The following CLIP4 variants were observed in gnomAD, a reference collection of about 807,000 sequenced individuals.
The protein encoded by CLIP4 is CAP-Gly domain containing linker protein family member 4.
Under a neutral mutation model 73.1 loss-of-function variants are expected in CLIP4, and 47 were observed. The ratio of observed to expected loss-of-function variants is 0.64; its 90% CI spans 0.51 to 0.82. CLIP4 has a LOEUF of 0.82. CLIP4 is among the 40% of genes least tolerant of loss of function. CLIP4 has a pLI of 0.00. For missense variants in CLIP4, 874 were observed against 852.9 expected (o/e 1.02, Z -0.31); for synonymous variants, 306 against 295.4 (o/e 1.04, Z -0.37).
At chr2:29,149,818 T>C (rs1239751654) in intron 8 of CLIP4, among the ~76,000 whole-genome samples, 2 of 152,140 alleles carry the variant, frequency 1.3e-5, no homozygotes, top group East Asian at 3.8e-4. Context: ...AAATATTTAA[T>C]TTAATACACA....
At chr2:29,169,380 ACTCTC>A (rs1223320402) in intron 14 of CLIP4, among the ~76,000 whole-genome samples, 1 of 139,620 alleles carries the variant, frequency 7.2e-6, no homozygotes, top group East Asian at 2.1e-4. Context: ...TGTGTGTCCC[ACTCTC>A]CTCATAAAGA....
intron 6 of CLIP4, among the ~76,000 whole-genome samples, chr2:29,142,932 G>A (rs1025128313): frequency 6.6e-6 from 1 of 152,168 alleles, no homozygotes; most frequent in Non-Finnish European, 1.5e-5. Flanking sequence ...GTTGTCATTG[G>A]CCATTTTATC....
chr2:29,155,427 A>C (rs555376199), intron 9 of CLIP4, among the ~76,000 whole-genome samples: 2 of 151,260 alleles, frequency 1.3e-5, no homozygotes, highest in Admixed American at 6.6e-5. Context: ...CACACACACA[A>C]GAGTACAAGC....
intron 1 of CLIP4, among the ~76,000 whole-genome samples, chr2:29,099,699 C>T (rs1022680086): frequency 1.3e-5 from 2 of 152,146 alleles, no homozygotes; most frequent in Admixed American, 1.3e-4. Context: ...TCCACAGAAA[C>T]TTCAGAATCA....
At chr2:29,177,822 C>T (rs1668431950) in intron 15 of CLIP4, among the ~76,000 whole-genome samples, 1 of 152,174 alleles carries the variant, frequency 6.6e-6, no homozygotes, top group Non-Finnish European at 1.5e-5. Context: ...CCCATGCCTG[C>T]CATTTCATAG....
chr2:29,135,791 G>T (rs2147964670), intron 6 of CLIP4, 125 bp downstream of exon 6: 1 of 617,914 alleles, frequency 1.6e-6, no homozygotes, highest in African/African-American at 1.9e-5. Context: ...TTATATCTTT[G>T]TGCCACATGT....
chr2:29,147,237 T>C (rs1482807380), intron 8 of CLIP4, among the ~76,000 whole-genome samples: 1 of 152,136 alleles, frequency 6.6e-6, no homozygotes, highest in Non-Finnish European at 1.5e-5. Flanking sequence ...TGTTTTGTTG[T>C]AGTATAGGTA....
At chr2:29,102,872 C>T (rs765797420) in intron 1 of CLIP4, among the ~76,000 whole-genome samples, 1 of 152,172 alleles carries the variant, frequency 6.6e-6, no homozygotes, top group African/African-American at 2.4e-5. Flanking sequence ...CCCACCTCGG[C>T]CTCCCAAAGT....
In CLIP4 at chr2:29,163,876, A is replaced by G. The variant is rs771995532; in HGVS notation, c.1580A>G (p.Asp527Gly). 53 of 1,613,642 alleles carry G rather than the reference A, an allele frequency of 3.3e-5. No individual in the cohort carries two copies. The highest frequency in any genetic ancestry group is 1.7e-4 in the Middle Eastern group (1 of 6,060). ...IELEKPHGKN[D>G]GSVGGVQYFS... ...CTTGAAAAACCCCATGGCAAGAATG[A>G]TGGTTCAGTTGGAGGTGTGCAGTAT... Residue 527 changes from aspartate (D) to glycine (G), a missense_variant, in exon 13 of 16, where the codon GAT becomes GGT. Physicochemically the swap from Asp to Gly is moderately conservative, Grantham distance 94. Transcript: ENST00000320081.
intron 1 of CLIP4, among the ~76,000 whole-genome samples, chr2:29,101,586 G>A (rs1166722267): frequency 6.6e-6 from 1 of 152,122 alleles, no homozygotes; most frequent in Non-Finnish European, 1.5e-5. Flanking sequence ...GGGTGGGTCT[G>A]CCTCTCCCAG....
intron 14 of CLIP4, among the ~76,000 whole-genome samples, chr2:29,172,625 C>T (rs539529189): frequency 3.9e-5 from 6 of 152,118 alleles, no homozygotes; most frequent in African/African-American, 1.2e-4. Context: ...CAATTCTTTA[C>T]AATTCTTATT....
chr2:29,140,227 C>G (rs1665665207), intron 6 of CLIP4, among the ~76,000 whole-genome samples: 1 of 152,134 alleles, frequency 6.6e-6, no homozygotes, highest in African/African-American at 2.4e-5. Context: ...TATCCCTCCC[C>G]TCTCCTCCCG....
chr2:29,119,614 TGAAAG>T (rs1351897090), intron 1 of CLIP4, among the ~76,000 whole-genome samples: 2 of 152,214 alleles, frequency 1.3e-5, no homozygotes, highest in Non-Finnish European at 2.9e-5. Context: ...CCAGTGCTCA[TGAAAG>T]TAAGTGGTTT....
chr2:29,131,659 A>C (rs1340464364), intron 3 of CLIP4: 1 of 301,154 alleles, frequency 3.3e-6, no homozygotes, highest in African/African-American at 2.2e-5. Flanking sequence ...TTCTTTGTAA[A>C]ATTAATTTTG....
Position 29,181,716 on chromosome 2 carries a change from C to A in CLIP4, c.1941C>A (p.Asp647Glu). Residue 647 changes from aspartate to glutamate, a missense_variant, in exon 16 of 16, where the codon GAC (aspartate) becomes GAA (glutamate). Asp to Glu is a conservative substitution (Grantham distance 45). Coordinates refer to ENST00000320081, the MANE Select transcript of CLIP4 (RefSeq NM_024692.6). ...MGTVRYVGPT[D>E]FASGIWLGLE... is the part of the protein sequence containing the mutation. ...CTGTTAGGTATGTGGGCCCCACTGA[C>A]TTTGCTTCAGGTATCTGGCTTGGAC... is the stretch of plus-strand genomic sequence containing the variant. 6.2e-7 allele frequency: 1 copy of A among 1,614,142 alleles called. No individual in the cohort carries two copies. Among genetic ancestry groups the A allele is most frequent in the African/African-American group, 1.3e-5 (1 of 75,036 alleles).
intron 1 of CLIP4, among the ~76,000 whole-genome samples, chr2:29,102,696 G>T (rs544230419): frequency 1.3e-5 from 2 of 151,864 alleles, no homozygotes; most frequent in Non-Finnish European, 2.9e-5. Context: ...TGCCATCTCG[G>T]CTCACTGCAA....
At chr2:29,132,353 GATA>G in intron 4 of CLIP4, 108 bp downstream of exon 4, 1 of 847,678 alleles carries the variant, frequency 1.2e-6, no homozygotes, top group Non-Finnish European at 1.9e-6. Flanking sequence ...AGCTGATGAT[GATA>G]ATATTGCCTG....
intron 2 of CLIP4, among the ~76,000 whole-genome samples, chr2:29,122,289 G>C (rs1382211696): frequency 6.7e-6 from 1 of 148,280 alleles, no homozygotes; most frequent in Non-Finnish European, 1.5e-5. Flanking sequence ...ACCTAGACCA[G>C]TCGTCAGAAG....
chr2:29,159,683 TAAAAAAAAAAA>T (rs56927221), intron 11 of CLIP4, among the ~76,000 whole-genome samples: 2 of 114,168 alleles, frequency 1.8e-5, no homozygotes, highest in East Asian at 6.2e-4. Context: ...CCTGTTTCTT[TAAAAAAAAAAA>T]AAAAAAAAAA....
Sources: allele counts gnomAD v4.1 joint callset (sites outside exome capture counted in the v4.1 genomes callset), GRCh38; gene constraint gnomAD v4.1.1; transcripts MANE v1.5; gene names NCBI Gene and HGNC (gene_info 2026-07-23, HGNC 2026-07-21).